Variants in TRIM2 observed in about 807,000 individuals in gnomAD.
TRIM2 encodes tripartite motif-containing protein 2.
A neutral mutation model predicts 75.2 loss-of-function variants in TRIM2; 20 were observed. That is an observed-to-expected ratio of 0.27 (90% CI 0.19 to 0.39). The LOEUF (loss-of-function observed/expected upper bound fraction) is 0.39. Ranked by LOEUF, TRIM2 falls within the 10% of genes least tolerant of loss-of-function variation. TRIM2 has a pLI of 1.00. For synonymous variants in TRIM2, 373 were observed against 388.3 expected, an observed-to-expected ratio of 0.96 and a Z score of 0.46; for missense variants, 660 against 990.8, an observed-to-expected ratio of 0.67 and a Z score of 4.48.
rs887101978 is a variant in TRIM2 at position 153,339,164 on chromosome 4, G to A, written c.*4198G>A. 275 of 985,610 alleles carry A rather than the reference G, an allele frequency of 2.8e-4. No homozygotes were observed. The highest frequency in any genetic ancestry group is 4.9e-4 in the Admixed American group (8 of 16,240). 61.1% of individuals were successfully genotyped at this position (985,610 alleles called of 1,614,324 possible). A position where few individuals can be genotyped will look rare whatever the true frequency, so the allele number is the denominator to read the frequency against. ...TGTGCATCAAAGTGTTTGTATGTTC[G>A]TAGCTACATACGTACCACAGTATTT... On this transcript the variant is annotated 3_prime_UTR_variant, in exon 12 of 12. Transcript: ENST00000338700.
intron 9 of TRIM2, among the ~76,000 whole-genome samples, chr4:153,323,775 T>TAGATGGTGGCACGG (rs1387965991): frequency 2.6e-5 from 4 of 152,344 alleles, no homozygotes; most frequent in Non-Finnish European, 5.9e-5. Flanking sequence ...ATGTGACTTT[T>TAGATGGTGGCACGG]AGATGGTGGC....
chr4:153,162,337 G>C (rs754457714), intron 1 of TRIM2, among the ~76,000 whole-genome samples: 2 of 152,180 alleles, frequency 1.3e-5, no homozygotes, highest in Non-Finnish European at 2.9e-5. Context: ...AGTCCAATCT[G>C]TAGGATGGGG....
At chr4:153,254,729 TAAG>T (rs1751652041) in intron 1 of TRIM2, among the ~76,000 whole-genome samples, 1 of 152,200 alleles carries the variant, frequency 6.6e-6, no homozygotes, top group African/African-American at 2.4e-5. Flanking sequence ...TTTCCTATAA[TAAG>T]CAATATTATG....
chr4:153,311,617 A>G (rs1174889391), intron 6 of TRIM2, among the ~76,000 whole-genome samples: 1 of 151,992 alleles, frequency 6.6e-6, no homozygotes, highest in African/African-American at 2.4e-5. Context: ...ATAAGCAAGA[A>G]TCTAGAATAG....
chr4:153,226,482 A>G (rs1199649571), intron 1 of TRIM2, among the ~76,000 whole-genome samples: 1 of 152,256 alleles, frequency 6.6e-6, no homozygotes, highest in Non-Finnish European at 1.5e-5. Flanking sequence ...GGCAATTTGT[A>G]GAAATATGCT....
chr4:153,177,402 T>A (rs940783113), intron 1 of TRIM2, among the ~76,000 whole-genome samples: 1 of 152,164 alleles, frequency 6.6e-6, no homozygotes, highest in African/African-American at 2.4e-5. Context: ...ATGCCTGTAA[T>A]CCCAGCACTC....
rs1772341855 is a variant in TRIM2, at chr4:153,335,444, G to T, written c.*478G>T. 1.0e-6 allele frequency: 1 copy of T among 985,344 alleles called. No individual in the cohort carries two copies. The highest frequency in any genetic ancestry group is 1.2e-6 in the Non-Finnish European group (1 of 829,980). 61.0% of individuals were successfully genotyped at this position (985,344 alleles called of 1,614,324 possible). The stretch of plus-strand genomic sequence containing the variant: ...CACTTTTACAGTAGGTATTACTCTT[G>T]TGACATTTTTTTGGTTATCAACAAC... On this transcript the variant is annotated 3_prime_UTR_variant, in exon 12 of 12. Coordinates refer to ENST00000338700, the MANE Select transcript of TRIM2 (RefSeq NM_015271.5).
intron 8 of TRIM2, among the ~76,000 whole-genome samples, chr4:153,321,438 C>T (rs563411626): frequency 1.3e-5 from 2 of 152,242 alleles, no homozygotes; most frequent in South Asian, 2.1e-4. Flanking sequence ...GGCAAATAGA[C>T]ATTTAAATAC....
At chr4:153,294,771 T>C (rs1021230951) in intron 5 of TRIM2, among the ~76,000 whole-genome samples, 4 of 152,210 alleles carry the variant, frequency 2.6e-5, no homozygotes, top group Non-Finnish European at 4.4e-5. Context: ...TCCTCAGTTA[T>C]AACATGAAAT....
chr4:153,186,072 T>C (rs1289303349), intron 1 of TRIM2, among the ~76,000 whole-genome samples: 2 of 152,146 alleles, frequency 1.3e-5, no homozygotes, highest in African/African-American at 4.8e-5. Flanking sequence ...GAAATGCTAC[T>C]GGTATCGAGT....
intron 1 of TRIM2, among the ~76,000 whole-genome samples, chr4:153,268,346 T>C (rs777674891): frequency 7.3e-6 from 1 of 137,900 alleles, no homozygotes; most frequent in Non-Finnish European, 1.6e-5. Flanking sequence ...GAAGGGGTCT[T>C]TTTGGAAAAG....
rs542336429 is a variant in TRIM2 at position 153,243,098 on chromosome 4, A to G, written c.31-27237A>G. 1.2e-3 allele frequency among the ~76,000 whole-genome samples: 179 copies of G among 152,362 alleles called. 1 individual carries two copies. Among genetic ancestry groups the G allele is most frequent in the African/African-American group, 4.0e-3 (165 of 41,590 alleles). On this transcript the variant is annotated intron_variant, in intron 1 of 11. Transcript: ENST00000338700. Reference sequence around the variant, plus strand: ...TCAAACACACCTCTGATTCTATGAAAGGATGACAGTCTTCTGCCTTCCTGC... The same window carrying G: ...TCAAACACACCTCTGATTCTATGAAGGGATGACAGTCTTCTGCCTTCCTGC...
chr4:153,177,226 C>T (rs1731534691), intron 1 of TRIM2, among the ~76,000 whole-genome samples: 3 of 152,224 alleles, frequency 2.0e-5, no homozygotes, highest in South Asian at 2.1e-4. Context: ...TGTCATAAGA[C>T]GAGGTTCTCT....
At chr4:153,173,196 G>C (rs889891390) in intron 1 of TRIM2, among the ~76,000 whole-genome samples, 1 of 152,156 alleles carries the variant, frequency 6.6e-6, no homozygotes, top group African/African-American at 2.4e-5. Flanking sequence ...GAAGGGCCCA[G>C]AAGGCAGAGC....
intron 1 of TRIM2, among the ~76,000 whole-genome samples, chr4:153,198,048 G>A (rs1027357250): frequency 5.9e-5 from 9 of 152,010 alleles, no homozygotes; most frequent in Middle Eastern, 3.2e-3. Context: ...CATAAATTCC[G>A]GTTGCTTATA....
chr4:153,311,918 AT>A (rs1443786805), intron 6 of TRIM2, among the ~76,000 whole-genome samples: 2 of 144,714 alleles, frequency 1.4e-5, no homozygotes, highest in Admixed American at 6.8e-5. Flanking sequence ...TTATTTATTT[AT>A]TTATTATTAT....
intron 3 of TRIM2, among the ~76,000 whole-genome samples, chr4:153,284,982 G>C (rs1165392497): frequency 6.6e-6 from 1 of 151,878 alleles, no homozygotes; most frequent in Non-Finnish European, 1.5e-5. Context: ...TTTGTTGCTT[G>C]TGCTTTTGGT....
intron 1 of TRIM2, among the ~76,000 whole-genome samples, chr4:153,197,379 C>T (rs1733883322): frequency 6.6e-6 from 1 of 152,126 alleles, no homozygotes; most frequent in African/African-American, 2.4e-5. Context: ...ATTTGCAAAG[C>T]CCTTCAATGT....
chr4:153,244,895 A>G lies in TRIM2; in HGVS notation c.31-25440A>G, dbSNP rs113449206. Among the ~76,000 whole-genome samples the G allele has an allele frequency of 2.1e-3, 315 of 152,334 alleles. 2 individuals carry two copies. Among genetic ancestry groups the G allele is most frequent in the Non-Finnish European group, 3.6e-3 (247 of 68,034 alleles). On this transcript the variant is annotated intron_variant, in intron 1 of 11. Transcript: ENST00000338700. Reference sequence around the variant, plus strand: ...GGGATACCTGTTTTACAGCTAAATCATTTGTGATCTGATTTCCATGTTGGT... The same window carrying G: ...GGGATACCTGTTTTACAGCTAAATCGTTTGTGATCTGATTTCCATGTTGGT...
Sources: gnomAD v4.1 joint callset for allele counts (sites outside exome capture counted in the v4.1 genomes callset) on GRCh38, gnomAD v4.1.1 for gene constraint, MANE v1.5 for transcripts, NCBI Gene and HGNC (gene_info 2026-07-23, HGNC 2026-07-21) for gene names.